Variants in ZC3H12C observed in about 807,000 individuals in gnomAD.
The protein encoded by ZC3H12C is zinc finger CCCH-type containing 12C, also known as probable ribonuclease ZC3H12C.
In ZC3H12C, 20 loss-of-function variants were observed where a neutral mutation model predicts 76.3. The ratio of observed to expected loss-of-function variants is 0.26; its 90% CI spans 0.18 to 0.38. The LOEUF is 0.38. ZC3H12C is among the 10% of genes least tolerant of loss of function. The pLI, the probability that ZC3H12C is intolerant of heterozygous loss-of-function variation, is 1.00. For missense variants in ZC3H12C, 874 were observed against 1,086.5 expected (o/e 0.80, Z 2.75); for synonymous variants, 352 against 399.6 (o/e 0.88, Z 1.42).
intron 1 of ZC3H12C, among the ~76,000 whole-genome samples, chr11:110,129,412 G>T (rs1008149455): frequency 4.6e-5 from 7 of 151,828 alleles, no homozygotes; most frequent in African/African-American, 1.5e-4. Context: ...TTTGTAAATA[G>T]AGACGATCTC....
intron 1 of ZC3H12C, among the ~76,000 whole-genome samples, chr11:110,104,536 T>G (rs1228376867): frequency 6.6e-6 from 1 of 152,182 alleles, no homozygotes; most frequent in Non-Finnish European, 1.5e-5. Flanking sequence ...TAAAAAATGT[T>G]CAGGCAGTAA....
In ZC3H12C at chr11:110,102,238, T is replaced by A. The variant is rs1565246542; in HGVS notation, c.21+8806T>A. ...TCTGGGCAAAATACACTGAAGACCT[T>A]CTGGAAAGGATTTACCATACTAGAT... On this transcript the variant is annotated intron_variant, in intron 1 of 5. Transcript: ENST00000278590. Among the ~76,000 whole-genome samples the A allele has an allele frequency of 3.4e-5, 5 of 149,236 alleles. No individual in the cohort carries two copies. In the South Asian group the frequency reaches 9.0e-4, roughly 27 times the overall value.
At chr11:110,109,635 G>A (rs1200961340) in intron 1 of ZC3H12C, among the ~76,000 whole-genome samples, 1 of 151,520 alleles carries the variant, frequency 6.6e-6, no homozygotes, top group African/African-American at 2.4e-5. Flanking sequence ...CCTTTATTTG[G>A]TTTGTCTGCT....
At chr11:110,125,269 TAG>T (rs1861718808) in intron 1 of ZC3H12C, among the ~76,000 whole-genome samples, 1 of 120,100 alleles carries the variant, frequency 8.3e-6, no homozygotes, top group Admixed American at 8.6e-5. Flanking sequence ...GATCTCTCAC[TAG>T]TGTGTGTGTG....
intron 2 of ZC3H12C, among the ~76,000 whole-genome samples, chr11:110,139,925 G>A (rs1319841227): frequency 6.9e-6 from 1 of 144,442 alleles, no homozygotes; most frequent in South Asian, 2.2e-4. Context: ...CTGGAGTGCA[G>A]TGGCATGATA....
intron 3 of ZC3H12C, among the ~76,000 whole-genome samples, chr11:110,154,444 A>G (rs1862336803): frequency 6.6e-6 from 1 of 152,214 alleles, no homozygotes; most frequent in African/African-American, 2.4e-5. Context: ...TGAATAGGCA[A>G]GTCATGGTGG....
In ZC3H12C at chr11:110,164,949, G is replaced by C. The variant is rs554311923; in HGVS notation, c.1864G>C (p.Val622Leu). 1 of 1,614,014 alleles carries C rather than the reference G, an allele frequency of 6.2e-7. No homozygotes were observed. Among genetic ancestry groups the C allele is most frequent in the East Asian group, 2.2e-5 (1 of 44,888 alleles). ...SLDTDYRISS[V>L]ASDCSSEGSM... ...AGACACAGATTATAGAATAAGTTCC[G>C]TAGCTTCTGACTGCAGCAGTGAAGG... is the stretch of plus-strand genomic sequence containing the variant. The change falls in exon 6 of 6, where the codon GTA (valine) becomes CTA (leucine). Residue 622 changes from valine (V) to leucine (L), a missense_variant. Transcript: ENST00000278590. This position sits in a 1 kb window ranked among gnomAD's most constrained non-coding sequence, Gnocchi z 5.7.
intron 1 of ZC3H12C, among the ~76,000 whole-genome samples, chr11:110,115,413 C>T (rs190275390): frequency 5.9e-5 from 9 of 152,260 alleles, no homozygotes; most frequent in African/African-American, 2.2e-4. Flanking sequence ...AGCAGTTCTC[C>T]TGTCTCAGCC....
At chr11:110,136,171 T>C (rs534445107) in intron 1 of ZC3H12C, 1 of 152,810 alleles carries the variant, frequency 6.5e-6, no homozygotes, top group South Asian at 2.1e-4. Context: ...TATAAGTTAA[T>C]GGTTTCTTTC....
At position 110,165,727 on chromosome 11, in the gene ZC3H12C, T is replaced by A. The variant is rs114912515; in HGVS notation, c.2642T>A (p.Leu881Gln). 2.0e-4 allele frequency: 315 copies of A among 1,578,866 alleles called. No individual in the cohort carries two copies. The African/African-American group carries it at 2.4e-3, about 12-fold the overall frequency. ...GCCATTTTAGTGGAGAAATCCCAGC[T>A]GGGTTATTGAAAGATGATGCATCTT... ...AAAILVEKSQ[L>Q]GY is the part of the protein sequence containing the mutation. Residue 881 changes from leucine to glutamine, a missense_variant, in exon 6 of 6, where the codon CTG (leucine) becomes CAG (glutamine). This residue lies in a region of ZC3H12C where 395 missense variants were observed against 434.4 expected (regional missense o/e 0.91). Coordinates refer to ENST00000278590, the MANE Select transcript of ZC3H12C (RefSeq NM_033390.2).
At position 110,168,951 on chromosome 11, in the gene ZC3H12C, G is replaced by A. The variant is rs1269909991; in HGVS notation, c.*3214G>A. ...TATGTATATCTATATACACAAATAT[G>A]TATTTGTTATGAGGTATTAAAAACA... On this transcript the variant is annotated 3_prime_UTR_variant, in exon 6 of 6. Transcript: ENST00000278590. 6.6e-6 allele frequency: 1 copy of A among 152,072 alleles called. No individual in the cohort carries two copies. Among genetic ancestry groups the A allele is most frequent in the African/African-American group, 2.4e-5 (1 of 41,420 alleles). 9.4% of individuals were successfully genotyped at this position (152,072 alleles called of 1,614,324 possible). A position where few individuals can be genotyped will look rare whatever the true frequency, so the allele number is the denominator to read the frequency against.
At position 110,137,165 on chromosome 11, in the gene ZC3H12C, C is replaced by G; in HGVS notation, c.524C>G (p.Ser175Cys). ...KLEFALKLGY[S>C]EEQVQLVLNK... ...GAGTTTGCACTTAAGTTAGGTTATTCTGAAGAACAGGTTCAGCTTGTACTA... is the reference window on the plus strand; with the variant it reads ...GAGTTTGCACTTAAGTTAGGTTATTGTGAAGAACAGGTTCAGCTTGTACTA... The change falls in exon 2 of 6, where the codon TCT (serine) becomes TGT (cysteine). Residue 175 changes from serine to cysteine, a missense_variant. This residue lies in a region of ZC3H12C where 210 missense variants were observed against 227.1 expected (regional missense o/e 0.92). Transcript: ENST00000278590. 2 of 1,613,848 alleles carry G rather than the reference C, an allele frequency of 1.2e-6. No homozygotes were observed. The highest frequency in any genetic ancestry group is 1.6e-4 in the Middle Eastern group (1 of 6,062).
chr11:110,123,286 G>A (rs535346661), intron 1 of ZC3H12C, among the ~76,000 whole-genome samples: 3 of 152,228 alleles, frequency 2.0e-5, no homozygotes, highest in East Asian at 1.9e-4. Flanking sequence ...TCCTCATTCC[G>A]TGAGTATTTA....
intron 2 of ZC3H12C, 33 bp downstream of exon 2, chr11:110,137,447 C>T: frequency 6.5e-7 from 1 of 1,543,158 alleles, no homozygotes; most frequent in Non-Finnish European, 8.7e-7. Context: ...AAAATTACTA[C>T]CAAATAATCT....
intron 1 of ZC3H12C, among the ~76,000 whole-genome samples, chr11:110,103,883 G>A (rs1290624310): frequency 1.3e-5 from 2 of 152,084 alleles, no homozygotes; most frequent in Non-Finnish European, 2.9e-5. Context: ...GATTACAGGC[G>A]TGAGCCACCG....
intron 2 of ZC3H12C, among the ~76,000 whole-genome samples, chr11:110,140,230 C>T (rs2134180253): frequency 6.6e-6 from 1 of 152,154 alleles, no homozygotes; most frequent in South Asian, 2.1e-4. Flanking sequence ...GTGGAGGCTG[C>T]AATGAGCTGA....
intron 2 of ZC3H12C, among the ~76,000 whole-genome samples, chr11:110,143,812 C>T (rs1014142626): frequency 1.3e-5 from 2 of 152,130 alleles, no homozygotes; most frequent in African/African-American, 4.8e-5. Context: ...CGTGAGCCAC[C>T]GTGCCCAGCC....
chr11:110,118,425 T>C (rs1861599827), intron 1 of ZC3H12C, among the ~76,000 whole-genome samples: 1 of 152,016 alleles, frequency 6.6e-6, no homozygotes, highest in African/African-American at 2.4e-5. Flanking sequence ...AATAACCAGT[T>C]AGAAAATATA....
Position 110,164,629 on chromosome 11 carries a change from C to T in ZC3H12C, c.1544C>T (p.Thr515Ile). ...EKLPTKNKLE[T>I]RSVPSLVSIP... The stretch of plus-strand genomic sequence containing the variant: ...CTTCCCACCAAAAACAAATTGGAAA[C>T]CAGGTCTGTACCTTCCTTAGTTAGC... The change falls in exon 6 of 6, where the codon ACC (threonine) becomes ATC (isoleucine). Residue 515 changes from threonine (T) to isoleucine (I), a missense_variant. Physicochemically the swap from Thr to Ile is moderately conservative, Grantham distance 89. This residue lies in a region of ZC3H12C where 269 missense variants were observed against 424.9 expected (regional missense o/e 0.63). Transcript: ENST00000278590. The surrounding 1 kb of genome is among the most constrained non-coding windows in gnomAD (Gnocchi z 5.7). 1.9e-6 allele frequency: 3 copies of T among 1,613,982 alleles called. No individual in the cohort carries two copies. The highest frequency in any genetic ancestry group is 2.5e-6 in the Non-Finnish European group (3 of 1,179,890).
Sources: allele counts gnomAD v4.1 joint callset (sites outside exome capture counted in the v4.1 genomes callset), GRCh38; gene constraint gnomAD v4.1.1; regional missense constraint gnomAD v4.1.1; non-coding constraint Gnocchi (gnomAD v3.1); transcripts MANE v1.5; gene names NCBI Gene and HGNC (gene_info 2026-07-23, HGNC 2026-07-21).